RIN3: variants seen among roughly 807,000 people sequenced by gnomAD.
RIN3 encodes the protein RAB5 interacting protein 3.
In RIN3, 54 loss-of-function variants were observed where a neutral mutation model predicts 76.3. The observed-to-expected ratio is 0.71, with a 90% CI of 0.57 to 0.89. RIN3 has a LOEUF of 0.89. Ranked by LOEUF, RIN3 falls within the 40% of genes least tolerant of loss-of-function variation. RIN3 has a pLI of 0.00. For missense variants in RIN3, 1,256 were observed against 1,322.1 expected (o/e 0.95, Z 0.78); for synonymous variants, 576 against 564.0 (o/e 1.02, Z -0.30).
intron 3 of RIN3, among the ~76,000 whole-genome samples, chr14:92,583,783 T>C (rs1160307154): frequency 6.6e-6 from 1 of 152,236 alleles, no homozygotes; most frequent in Non-Finnish European, 1.5e-5. Flanking sequence ...ATGGTGTATA[T>C]GCACTGTATT....
chr14:92,621,995 G>A (rs1381292895), intron 4 of RIN3, among the ~76,000 whole-genome samples: 1 of 152,198 alleles, frequency 6.6e-6, no homozygotes, highest in African/African-American at 2.4e-5. Flanking sequence ...AGACTCCAAA[G>A]AGTGCTGGAG....
intron 1 of RIN3, among the ~76,000 whole-genome samples, chr14:92,518,062 A>G (rs1485223558): frequency 6.6e-6 from 1 of 152,162 alleles, no homozygotes; most frequent in Admixed American, 6.5e-5. Context: ...TTTGCCCATG[A>G]GGTTCTTTCT....
At chr14:92,677,098 C>G (rs952680351) in intron 8 of RIN3, among the ~76,000 whole-genome samples, 14 of 152,266 alleles carry the variant, frequency 9.2e-5, no homozygotes, top group African/African-American at 3.4e-4. Flanking sequence ...AGGGGTGACC[C>G]CCAGGGACTC....
chr14:92,684,364 A>G (rs1052490347), intron 8 of RIN3, among the ~76,000 whole-genome samples: 2 of 146,668 alleles, frequency 1.4e-5, no homozygotes, highest in Admixed American at 1.4e-4. Context: ...TGGGCAACAC[A>G]GCAACAGAGC....
chr14:92,519,814 AAG>A (rs1896546568), intron 1 of RIN3, among the ~76,000 whole-genome samples: 1 of 152,130 alleles, frequency 6.6e-6, no homozygotes, highest in Non-Finnish European at 1.5e-5. Context: ...CTTGATGGAG[AAG>A]AGAGGAGTGA....
rs191744261 is a variant in RIN3, at chr14:92,606,930, C to T, written c.368-8477C>T. 2.6e-4 allele frequency among the ~76,000 whole-genome samples: 40 copies of T among 152,146 alleles called. No homozygotes were observed. The East Asian group carries it at 6.4e-3, about 24-fold the overall frequency. ...AGAAGTAAAAACATCCACACAAAAA[C>T]GTGTACACAAATGTTCACAGCAGCA... On this transcript the variant is annotated intron_variant, in intron 3 of 9. Coordinates refer to ENST00000216487, the MANE Select transcript of RIN3 (RefSeq NM_024832.5).
intron 3 of RIN3, among the ~76,000 whole-genome samples, chr14:92,583,801 A>G (rs2402171): frequency 0.54 from 81,364 of 152,006 alleles, 23,356 homozygotes; most frequent in South Asian, 0.72. Flanking sequence ...ATTTTTCCAC[A>G]GATGGGATGG....
intron 3 of RIN3, among the ~76,000 whole-genome samples, chr14:92,610,357 G>A (rs768843306): frequency 1.3e-5 from 2 of 151,894 alleles, no homozygotes; most frequent in African/African-American, 2.4e-5. Context: ...CTAAGCAACC[G>A]CTGATATCCT....
chr14:92,550,439 G>A lies in RIN3; in HGVS notation c.45-5312G>A, dbSNP rs143567161. Among the ~76,000 whole-genome samples, 51 of 151,882 alleles carry A rather than the reference G, an allele frequency of 3.4e-4. No individual in the cohort carries two copies. The East Asian group carries it at 6.0e-3, about 18-fold the overall frequency. The stretch of plus-strand genomic sequence containing the variant: ...TATTTATTCATTCATTTTGAGACAG[G>A]GTCTTGTTCTGTTACCCAGGCTGGA... On this transcript the variant is annotated intron_variant, in intron 1 of 9. Coordinates refer to ENST00000216487, the MANE Select transcript of RIN3 (RefSeq NM_024832.5).
At chr14:92,658,267 C>G (rs368689606) in intron 6 of RIN3, among the ~76,000 whole-genome samples, 1 of 152,182 alleles carries the variant, frequency 6.6e-6, no homozygotes, top group Non-Finnish European at 1.5e-5. Flanking sequence ...GGACGACATT[C>G]GAACAGTGAA....
chr14:92,671,137 G>T (rs1000268072), intron 7 of RIN3, among the ~76,000 whole-genome samples: 1 of 152,158 alleles, frequency 6.6e-6, no homozygotes, highest in Non-Finnish European at 1.5e-5. Context: ...CTCAGAGAGG[G>T]TTAGTGACTC....
chr14:92,667,264 G>C (rs192062123), intron 7 of RIN3, among the ~76,000 whole-genome samples: 15 of 152,318 alleles, frequency 9.8e-5, no homozygotes, highest in African/African-American at 3.6e-4. Context: ...TGTAATCCCA[G>C]CATTTTGGGA....
intron 1 of RIN3, chr14:92,515,114 C>T (rs899891474): frequency 6.3e-6 from 4 of 636,952 alleles, no homozygotes; most frequent in Admixed American, 2.4e-5. Flanking sequence ...GCCTTAAGCT[C>T]ATCTAGATCT....
chr14:92,625,971 T>C (rs1886339170), intron 4 of RIN3, among the ~76,000 whole-genome samples: 1 of 152,200 alleles, frequency 6.6e-6, no homozygotes, highest in Non-Finnish European at 1.5e-5. Flanking sequence ...TGTGACAAAA[T>C]GTAGCTTTAA....
intron 1 of RIN3, among the ~76,000 whole-genome samples, chr14:92,543,654 C>T (rs1250410684): frequency 7.8e-6 from 1 of 128,906 alleles, no homozygotes; most frequent in Non-Finnish European, 1.6e-5. Flanking sequence ...TAAATCTTGG[C>T]TCACTGCAAC....
chr14:92,590,292 G>A (rs71430769), intron 3 of RIN3, among the ~76,000 whole-genome samples: 2,812 of 152,302 alleles, frequency 0.018, 36 homozygotes, highest in Non-Finnish European at 0.025. Flanking sequence ...ATACAGTTTG[G>A]ATCTGTCTCT....
chr14:92,567,652 C>T (rs1335589763), intron 2 of RIN3, among the ~76,000 whole-genome samples: 2 of 147,466 alleles, frequency 1.4e-5, no homozygotes, highest in African/African-American at 2.5e-5. Context: ...TGGTCAATGC[C>T]AGTGCCAAGG....
chr14:92,617,247 C>T (rs1465929794), intron 4 of RIN3, among the ~76,000 whole-genome samples: 1 of 152,048 alleles, frequency 6.6e-6, no homozygotes, highest in African/African-American at 2.4e-5. Context: ...TTGCAGTGAA[C>T]CAAGATCGTA....
intron 2 of RIN3, among the ~76,000 whole-genome samples, chr14:92,563,630 T>TAA (rs143122668): frequency 6.6e-5 from 10 of 151,738 alleles, no homozygotes; most frequent in South Asian, 2.1e-4. Flanking sequence ...CCAAAAGCTT[T>TAA]AAAAAAAACA....
Sources: gnomAD v4.1 joint callset for allele counts (sites outside exome capture counted in the v4.1 genomes callset) on GRCh38, gnomAD v4.1.1 for gene constraint, MANE v1.5 for transcripts, NCBI Gene and HGNC (gene_info 2026-07-23, HGNC 2026-07-21) for gene names.